Variants in SERPINI2 observed in about 807,000 individuals in gnomAD.
SERPINI2 encodes the protein serpin family I member 2, also known as serpin I2.
SERPINI2 carries 48 observed loss-of-function variants against 47.3 expected under a neutral mutation model. The observed-to-expected ratio is 1.02, with a 90% CI of 0.81 to 1.29. The LOEUF (loss-of-function observed/expected upper bound fraction) is 1.29, where lower values mean the gene tolerates loss of function less well. SERPINI2 is among the 50% of genes most tolerant of loss of function. The probability of loss-of-function intolerance (pLI) is 0.00; values close to 1 mark genes in which losing one functional copy is unlikely to be tolerated. For synonymous variants in SERPINI2, 135 were observed against 149.3 expected (o/e 0.90, Z 0.70); for missense variants, 448 against 456.9 (o/e 0.98, Z 0.18).
intron 8 of SERPINI2, among the ~76,000 whole-genome samples, chr3:167,445,607 A>G (rs1749455633): frequency 6.6e-6 from 1 of 152,198 alleles, no homozygotes; most frequent in Non-Finnish European, 1.5e-5. Context: ...TTTGCCAAAT[A>G]TTGGCCTGAA....
At chr3:167,471,617 T>G (rs1253909421) in exon 2 of SERPINI2, 5 of 1,613,468 alleles carry the variant, frequency 3.1e-6, no homozygotes, top group Non-Finnish European at 4.2e-6. Context: ...TTTTAAAGTT[T>G]GTCTTATCTG....
chr3:167,459,736 C>A (rs919836630), intron 5 of SERPINI2, among the ~76,000 whole-genome samples: 3 of 147,212 alleles, frequency 2.0e-5, no homozygotes, highest in African/African-American at 2.5e-5. Flanking sequence ...TATTTTACAA[C>A]AATATAGAAT....
exon 3 of SERPINI2, chr3:167,467,276 A>T: frequency 6.2e-7 from 1 of 1,607,012 alleles, no homozygotes; most frequent in Non-Finnish European, 8.5e-7. Flanking sequence ...CAGTACAAAA[A>T]ATTCTTCCCC....
upstream of SERPINI2, among the ~76,000 whole-genome samples, chr3:167,476,623 C>T (rs1045986647): frequency 6.6e-6 from 1 of 151,966 alleles, no homozygotes; most frequent in Non-Finnish European, 1.5e-5. Context: ...GTATATCTAG[C>T]AAAAGAATTC....
exon 1 of SERPINI2, chr3:167,474,005 C>T: frequency 8.9e-7 from 1 of 1,127,224 alleles, no homozygotes; most frequent in Non-Finnish European, 1.1e-6. Context: ...GTACTTACCC[C>T]AAACTGACTT....
chr3:167,453,290 C>T (rs967376057), intron 5 of SERPINI2, among the ~76,000 whole-genome samples: 1 of 151,810 alleles, frequency 6.6e-6, no homozygotes, highest in African/African-American at 2.4e-5. Flanking sequence ...GTAACAATTA[C>T]CCAACAAAAC....
intron 8 of SERPINI2, among the ~76,000 whole-genome samples, chr3:167,445,277 A>C (rs1283640731): frequency 6.6e-6 from 1 of 152,122 alleles, no homozygotes; most frequent in Non-Finnish European, 1.5e-5. Context: ...GCAATTAACT[A>C]TGTCTCTTCT....
intron 6 of SERPINI2, among the ~76,000 whole-genome samples, chr3:167,452,187 T>A (rs1285240794): frequency 6.6e-6 from 1 of 152,162 alleles, no homozygotes; most frequent in African/African-American, 2.4e-5. Flanking sequence ...TACAACCCCA[T>A]CAGACAGACA....
intron 2 of SERPINI2, among the ~76,000 whole-genome samples, chr3:167,468,596 A>G (rs1750214651): frequency 6.6e-6 from 1 of 152,202 alleles, no homozygotes; most frequent in South Asian, 2.1e-4. Flanking sequence ...AGATACAGGT[A>G]TAAACAATTT....
intron 2 of SERPINI2, 92 bp downstream of exon 2, chr3:167,471,494 CTT>C (rs1750318557): frequency 8.1e-7 from 1 of 1,240,550 alleles, no homozygotes; most frequent in Non-Finnish European, 1.1e-6. Context: ...TACATTTTCA[CTT>C]ATTAAAATTT....
rs926760024 is a variant in SERPINI2, at chr3:167,449,697, T to G, written c.965-295A>C. On this transcript the variant is annotated intron_variant, in intron 6 of 8. Transcript: ENST00000264677. ...TTAGTAGAGGTGGGGTTTCGGCATG[T>G]TGGCCAGGTGGTCCCGAACTCCTGA... Among the ~76,000 whole-genome samples, 25 of 91,600 alleles carry G rather than the reference T, an allele frequency of 2.7e-4. 1 individual carries two copies. Among genetic ancestry groups the G allele is most frequent in the Non-Finnish European group, 2.0e-5 (1 of 50,582 alleles). 60.1% of individuals were successfully genotyped at this position (91,600 alleles called of 152,430 possible).
chr3:167,460,786 T>G (rs1174511895), intron 5 of SERPINI2, among the ~76,000 whole-genome samples: 1 of 152,170 alleles, frequency 6.6e-6, no homozygotes, highest in Non-Finnish European at 1.5e-5. Context: ...TTTTAAGATA[T>G]TTAAAATTAA....
intron 5 of SERPINI2, among the ~76,000 whole-genome samples, chr3:167,462,540 G>A (rs889328421): frequency 8.6e-5 from 13 of 152,040 alleles, no homozygotes; most frequent in Non-Finnish European, 1.3e-4. Flanking sequence ...ATTAGAGCCC[G>A]GCCTAATGAC....
chr3:167,458,677 T>C (rs987382469), intron 5 of SERPINI2, among the ~76,000 whole-genome samples: 10 of 152,180 alleles, frequency 6.6e-5, no homozygotes, highest in African/African-American at 2.2e-4. Flanking sequence ...TTGCCCACAG[T>C]AGAATCCCAA....
At chr3:167,451,095 T>C (rs1749627986) in intron 6 of SERPINI2, among the ~76,000 whole-genome samples, 1 of 152,244 alleles carries the variant, frequency 6.6e-6, no homozygotes, top group African/African-American at 2.4e-5. Context: ...ATTAATGTGA[T>C]ACTTTTCCCA....
rs774915147 is a variant in SERPINI2, at chr3:167,473,932, T to A, written c.-11+71A>T. The A allele has an allele frequency of 2.6e-6, 3 of 1,175,720 alleles. No individual in the cohort carries two copies. In the African/African-American group the frequency reaches 4.8e-5, roughly 19 times the overall value. 72.8% of individuals were successfully genotyped at this position (1,175,720 alleles called of 1,614,324 possible). A position where few individuals can be genotyped will look rare whatever the true frequency, so the allele number is the denominator to read the frequency against. ...TAAATTGAAATGCCATTCCATACTC[T>A]ACTAAACATTCATAGGCAATGTTAT... On this transcript the variant is annotated intron_variant, in intron 1 of 8. Transcript: ENST00000264677.
chr3:167,446,017 A>G (rs1749468417), intron 8 of SERPINI2, among the ~76,000 whole-genome samples: 1 of 152,204 alleles, frequency 6.6e-6, no homozygotes, highest in African/African-American at 2.4e-5. Context: ...CCAATGTGGC[A>G]TCATACACAG....
intron 5 of SERPINI2, among the ~76,000 whole-genome samples, chr3:167,456,893 T>C (rs1438998125): frequency 5.3e-5 from 8 of 152,232 alleles, no homozygotes; most frequent in Non-Finnish European, 8.8e-5. Flanking sequence ...AAAAATTGTA[T>C]ACACATTATC....
intron 7 of SERPINI2, 133 bp downstream of exon 7, chr3:167,449,182 CT>C (rs1749569027): frequency 3.2e-5 from 21 of 664,600 alleles, no homozygotes; most frequent in Admixed American, 2.9e-5. Flanking sequence ...CAACCATTTC[CT>C]TTTTTTCCTC....
Sources: gnomAD v4.1 joint callset for allele counts (sites outside exome capture counted in the v4.1 genomes callset) on GRCh38, gnomAD v4.1.1 for gene constraint, MANE v1.5 for transcripts, NCBI Gene and HGNC (gene_info 2026-07-23, HGNC 2026-07-21) for gene names.